SEMA6D: variants seen among roughly 807,000 people sequenced by gnomAD.
SEMA6D encodes the protein semaphorin 6D, also known as semaphorin-6D.
Under a neutral mutation model 106.6 loss-of-function variants are expected in SEMA6D, and 35 were observed. The ratio of observed to expected loss-of-function variants is 0.33; its 90% CI spans 0.25 to 0.44. The LOEUF is 0.44. Among genes scored for constraint, SEMA6D ranks in the 20% least tolerant of loss-of-function variants. SEMA6D has a pLI of 1.00. For synonymous variants in SEMA6D, 499 were observed against 487.7 expected, an observed-to-expected ratio of 1.02 and a Z score of -0.31; for missense variants, 1,185 against 1,345.9, an observed-to-expected ratio of 0.88 and a Z score of 1.87.
chr15:47,637,544 A>G (rs1340287521), intron 4 of SEMA6D, among the ~76,000 whole-genome samples: 1 of 152,144 alleles, frequency 6.6e-6, no homozygotes, highest in African/African-American at 2.4e-5. Context: ...AACATTTCAC[A>G]CTAACCTTCT....
chr15:47,681,790 T>A (rs1219146665), intron 4 of SEMA6D, among the ~76,000 whole-genome samples: 1 of 152,192 alleles, frequency 6.6e-6, no homozygotes, highest in South Asian at 2.1e-4. Context: ...TGTAAAACAT[T>A]GTGAAATAAA....
At chr15:47,294,346 C>G (rs1735048126) in intron 1 of SEMA6D, among the ~76,000 whole-genome samples, 2 of 151,996 alleles carry the variant, frequency 1.3e-5, no homozygotes, top group Non-Finnish European at 2.9e-5. Context: ...GCCTCAGTTT[C>G]CCAGGTAGCT....
chr15:47,284,167 C>T (rs1195630476), intron 1 of SEMA6D, among the ~76,000 whole-genome samples: 1 of 152,164 alleles, frequency 6.6e-6, no homozygotes, highest in Non-Finnish European at 1.5e-5. Context: ...AAGCAAGAGG[C>T]ATATCTCAAA....
chr15:47,390,948 T>TCAAGAGTTCA (rs1328307452), intron 1 of SEMA6D, among the ~76,000 whole-genome samples: 2 of 152,130 alleles, frequency 1.3e-5, no homozygotes, highest in Non-Finnish European at 2.9e-5. Flanking sequence ...TTTGCAAAGG[T>TCAAGAGTTCA]GCACATGCAG....
intron 1 of SEMA6D, among the ~76,000 whole-genome samples, chr15:47,276,695 C>T (rs1393378796): frequency 1.3e-5 from 2 of 152,134 alleles, no homozygotes; most frequent in African/African-American, 4.8e-5. Context: ...TGGAAATGTA[C>T]AAGGAGGTTA....
chr15:47,545,699 A>C (rs528369075), intron 3 of SEMA6D, among the ~76,000 whole-genome samples: 1 of 152,226 alleles, frequency 6.6e-6, no homozygotes, highest in South Asian at 2.1e-4. Flanking sequence ...CGTTTCCCTC[A>C]TGTATTTCGT....
intron 2 of SEMA6D, among the ~76,000 whole-genome samples, chr15:47,464,738 A>C (rs1338843818): frequency 6.6e-6 from 1 of 152,096 alleles, no homozygotes; most frequent in Non-Finnish European, 1.5e-5. Flanking sequence ...CTCTCTCTCT[A>C]ACCTTTTAAT....
intron 3 of SEMA6D, among the ~76,000 whole-genome samples, chr15:47,539,089 G>A (rs1432159469): frequency 2.0e-5 from 3 of 152,164 alleles, no homozygotes; most frequent in Admixed American, 1.3e-4. Flanking sequence ...CGGACAAGGT[G>A]TTAGAAAGCA....
intron 3 of SEMA6D, among the ~76,000 whole-genome samples, chr15:47,568,906 G>T (rs1036525681): frequency 6.6e-5 from 10 of 151,930 alleles, no homozygotes; most frequent in African/African-American, 2.4e-4. Flanking sequence ...TTATTATTAT[G>T]GCCATCATTA....
intron 4 of SEMA6D, among the ~76,000 whole-genome samples, chr15:47,638,249 A>T (rs1238104794): frequency 6.6e-6 from 1 of 152,172 alleles, no homozygotes; most frequent in Non-Finnish European, 1.5e-5. Context: ...ATATTCCCTG[A>T]GAAACTGATC....
At chr15:47,277,609 A>AT (rs1555414605) in intron 1 of SEMA6D, among the ~76,000 whole-genome samples, 73,465 of 128,174 alleles carry the variant, frequency 0.57, 20,145 homozygotes, top group Non-Finnish European at 0.69. Context: ...TATTATTATT[A>AT]TTATTTATTA....
intron 1 of SEMA6D, among the ~76,000 whole-genome samples, chr15:47,217,730 T>G (rs184784696): frequency 6.6e-6 from 1 of 152,080 alleles, no homozygotes; most frequent in Admixed American, 6.6e-5. Context: ...GCCATTTTTC[T>G]GGATTTCACT....
chr15:47,341,115 G>T (rs967236746), intron 1 of SEMA6D, among the ~76,000 whole-genome samples: 5 of 152,100 alleles, frequency 3.3e-5, no homozygotes, highest in Non-Finnish European at 5.9e-5. Flanking sequence ...AGAGTTAGGG[G>T]CTGGGCGTGG....
At chr15:47,360,978 C>G (rs2038783123) in intron 1 of SEMA6D, among the ~76,000 whole-genome samples, 1 of 152,218 alleles carries the variant, frequency 6.6e-6, no homozygotes, top group South Asian at 2.1e-4. Flanking sequence ...GCCCCATGAA[C>G]AGAAGCAGGC....
At chr15:47,202,505 C>T (rs1482596687) in intron 1 of SEMA6D, among the ~76,000 whole-genome samples, 1 of 152,088 alleles carries the variant, frequency 6.6e-6, no homozygotes, top group East Asian at 1.9e-4. Flanking sequence ...CAAGCACTAG[C>T]AGGCCACTGC....
At chr15:47,262,490 C>G (rs1354298920) in intron 1 of SEMA6D, among the ~76,000 whole-genome samples, 1 of 151,966 alleles carries the variant, frequency 6.6e-6, no homozygotes, top group Non-Finnish European at 1.5e-5. Context: ...GGGGAAGCCT[C>G]TTATAAAACC....
At chr15:47,354,197 C>G (rs1034618451) in intron 1 of SEMA6D, among the ~76,000 whole-genome samples, 1 of 36,748 alleles carries the variant, frequency 2.7e-5, no homozygotes, top group Non-Finnish European at 6.0e-5. Flanking sequence ...CTCTCTCTCT[C>G]TCTATATATA....
At chr15:47,428,329 G>A (rs2041413606) in intron 2 of SEMA6D, among the ~76,000 whole-genome samples, 1 of 152,126 alleles carries the variant, frequency 6.6e-6, no homozygotes, top group South Asian at 2.1e-4. Context: ...TGAACACGTA[G>A]TGTAAATATA....
chr15:47,317,207 G>A (rs143116172), intron 1 of SEMA6D, among the ~76,000 whole-genome samples: 335 of 152,210 alleles, frequency 2.2e-3, no homozygotes, highest in Non-Finnish European at 3.5e-3. Context: ...GTTGTTCATA[G>A]TATTCCTTTA....
Sources: gnomAD v4.1 joint callset for allele counts (sites outside exome capture counted in the v4.1 genomes callset) on GRCh38, gnomAD v4.1.1 for gene constraint, MANE v1.5 for transcripts, NCBI Gene and HGNC (gene_info 2026-07-23, HGNC 2026-07-21) for gene names.